FLI1: variants seen among roughly 807,000 people sequenced by gnomAD.
FLI1 encodes the protein Fli-1 proto-oncogene, ETS transcription factor, also known as Friend leukemia integration 1 transcription factor.
A neutral mutation model predicts 53.1 loss-of-function variants in FLI1; 13 were observed. The ratio of observed to expected loss-of-function variants is 0.24; its 90% CI spans 0.16 to 0.39. The LOEUF (loss-of-function observed/expected upper bound fraction) is 0.39. FLI1 is among the 10% of genes least tolerant of loss of function. FLI1 has a pLI of 1.00. For synonymous variants in FLI1, 244 were observed against 236.7 expected, an observed-to-expected ratio of 1.03 and a Z score of -0.28; for missense variants, 424 against 600.5, an observed-to-expected ratio of 0.71 and a Z score of 3.07.
intron 1 of FLI1, among the ~76,000 whole-genome samples, chr11:128,697,472 T>C (rs1938133020): frequency 6.6e-6 from 1 of 152,236 alleles, no homozygotes; most frequent in South Asian, 2.1e-4. Flanking sequence ...AAGCACCTCC[T>C]TGCCACAAGC....
chr11:128,793,512 T>C (rs1252726614), intron 5 of FLI1, among the ~76,000 whole-genome samples: 1 of 152,160 alleles, frequency 6.6e-6, no homozygotes, highest in Non-Finnish European at 1.5e-5. Context: ...CAGGGCTTCA[T>C]CCCAATGCTT....
intron 3 of FLI1, among the ~76,000 whole-genome samples, chr11:128,768,962 C>T (rs1565490911): frequency 6.6e-6 from 1 of 152,234 alleles, no homozygotes; most frequent in Non-Finnish European, 1.5e-5. Context: ...GCCAGTCCTT[C>T]CCTCCAGGCT....
intron 1 of FLI1, among the ~76,000 whole-genome samples, chr11:128,734,662 AT>A (rs999674733): frequency 6.6e-6 from 1 of 152,134 alleles, no homozygotes; most frequent in African/African-American, 2.4e-5. Flanking sequence ...TTTTGAGAAA[AT>A]GTCAGGGAGG....
intron 5 of FLI1, among the ~76,000 whole-genome samples, chr11:128,799,034 A>ATTTTTTT (rs1215901447): frequency 1.5e-5 from 2 of 131,810 alleles, no homozygotes; most frequent in African/African-American, 2.8e-5. Context: ...TATTATTATT[A>ATTTTTTT]TTATTATTAT....
intron 4 of FLI1, 83 bp from the exon 5 acceptor site, chr11:128,781,863 ATCTCTTTCCCTT>A: frequency 1.1e-6 from 1 of 926,596 alleles, no homozygotes; most frequent in Non-Finnish European, 1.8e-6. Flanking sequence ...CCCTCTCCCC[ATCTCTTTCCCTT>A]TCTACTCCCT....
rs78712989 is a variant in FLI1 at position 128,711,713 on chromosome 11, A to G, written c.18+17437A>G. 6.7e-3 allele frequency among the ~76,000 whole-genome samples: 1,021 copies of G among 152,260 alleles called. 12 individuals carry two copies. The highest frequency in any genetic ancestry group is 0.024 in the African/African-American group (985 of 41,548). Reference sequence around the variant, plus strand: ...CAAAATACTGGCATTGTACTTGCTTATTTTTAAGGTCATTTTTAGCTCTAA... The same window carrying G: ...CAAAATACTGGCATTGTACTTGCTTGTTTTTAAGGTCATTTTTAGCTCTAA... On this transcript the variant is annotated intron_variant, in intron 1 of 8. Transcript: ENST00000527786.
chr11:128,772,877 A>T lies in FLI1; in HGVS notation c.481A>T (p.Asn161Tyr). The change falls in exon 4 of 9, where the codon AAC (asparagine) becomes TAC (tyrosine). Residue 161 changes from asparagine to tyrosine, a missense_variant. This residue lies in a region of FLI1 where 114 missense variants were observed against 117.9 expected (regional missense o/e 0.97). Transcript: ENST00000527786. Reference sequence around the variant, plus strand: ...GGAGATCGACACATCCTTTTTCCAGAACATGGATGGCAAGGAACTGTGTAA... The same window carrying T: ...GGAGATCGACACATCCTTTTTCCAGTACATGGATGGCAAGGAACTGTGTAA... ...LMEIDTSFFQ[N>Y]MDGKELCKMN... The T allele has an allele frequency of 6.2e-7, 1 of 1,613,996 alleles. No individual in the cohort carries two copies. The highest frequency in any genetic ancestry group is 8.5e-7 in the Non-Finnish European group (1 of 1,179,874).
chr11:128,777,518 G>A (rs1941771264), intron 4 of FLI1, among the ~76,000 whole-genome samples: 2 of 152,164 alleles, frequency 1.3e-5, no homozygotes, highest in Admixed American at 1.3e-4. Context: ...AGATGGTCGG[G>A]CAGAGGTTTT....
At chr11:128,706,957 G>A (rs1001361169) in intron 1 of FLI1, among the ~76,000 whole-genome samples, 1 of 152,188 alleles carries the variant, frequency 6.6e-6, no homozygotes, top group Admixed American at 6.5e-5. Context: ...TCCTAACCCA[G>A]TTCTCATTGT....
chr11:128,688,120 C>T (rs1312456186), intron 1 of FLI1, among the ~76,000 whole-genome samples: 1 of 152,072 alleles, frequency 6.6e-6, no homozygotes, highest in Non-Finnish European at 1.5e-5. Flanking sequence ...TGTAAATGGC[C>T]CCGGGGAGGG....
chr11:128,776,351 G>C (rs1941726744), intron 4 of FLI1, among the ~76,000 whole-genome samples: 1 of 152,184 alleles, frequency 6.6e-6, no homozygotes, highest in East Asian at 1.9e-4. Context: ...GTTCTTGGGG[G>C]TAATTCCCAT....
At chr11:128,687,726 C>T (rs552983737) in intron 1 of FLI1, among the ~76,000 whole-genome samples, 1 of 152,248 alleles carries the variant, frequency 6.6e-6, no homozygotes, top group Admixed American at 6.5e-5. Context: ...AATTATGCGT[C>T]CAACCCTCCT....
chr11:128,710,041 C>T (rs1467028085), intron 1 of FLI1, among the ~76,000 whole-genome samples: 1 of 152,200 alleles, frequency 6.6e-6, no homozygotes, highest in Non-Finnish European at 1.5e-5. Context: ...GTTGAAGTCA[C>T]AAGTGATGGA....
intron 5 of FLI1, among the ~76,000 whole-genome samples, chr11:128,786,744 A>T (rs183405486): frequency 1.3e-5 from 2 of 152,214 alleles, no homozygotes; most frequent in African/African-American, 2.4e-5. Context: ...CAATCAGCAC[A>T]TCTCTTCCTC....
chr11:128,748,123 T>G, intron 1 of FLI1: 1 of 265,138 alleles, frequency 3.8e-6, no homozygotes, highest in African/African-American at 2.3e-5. Flanking sequence ...GGTACAGTCC[T>G]GGGAGGATGC....
intron 1 of FLI1, among the ~76,000 whole-genome samples, chr11:128,722,815 T>C (rs947482489): frequency 1.3e-5 from 2 of 152,144 alleles, no homozygotes; most frequent in African/African-American, 4.8e-5. Context: ...GCAGTCATTC[T>C]CCTATCGAGC....
intron 5 of FLI1, among the ~76,000 whole-genome samples, chr11:128,800,757 T>C (rs939074071): frequency 6.6e-6 from 1 of 152,242 alleles, no homozygotes; most frequent in Non-Finnish European, 1.5e-5. Context: ...ACATCATATA[T>C]GTGAGGCTGA....
chr11:128,768,046 A>G, intron 2 of FLI1, 72 bp from the exon 3 acceptor site: 1 of 1,409,950 alleles, frequency 7.1e-7, no homozygotes, highest in Non-Finnish European at 9.6e-7. Flanking sequence ...CCCTGGGCTC[A>G]TGATTCAGAG....
At chr11:128,794,709 A>T (rs896555965) in intron 5 of FLI1, among the ~76,000 whole-genome samples, 1 of 152,230 alleles carries the variant, frequency 6.6e-6, no homozygotes, top group Non-Finnish European at 1.5e-5. Context: ...AGGAGGAAAT[A>T]TGGAGGCTAG....
Sources: gnomAD v4.1 joint callset for allele counts (sites outside exome capture counted in the v4.1 genomes callset) on GRCh38, gnomAD v4.1.1 for gene constraint, gnomAD v4.1.1 regional missense constraint, MANE v1.5 for transcripts, NCBI Gene and HGNC (gene_info 2026-07-23, HGNC 2026-07-21) for gene names.